Variants in SEL1L2 observed in about 807,000 individuals in gnomAD.
The protein encoded by SEL1L2 is protein sel-1 homolog 2.
In SEL1L2, 89 loss-of-function variants were observed where a neutral mutation model predicts 98.8. The ratio of observed to expected loss-of-function variants is 0.90; its 90% CI spans 0.76 to 1.07. The LOEUF (loss-of-function observed/expected upper bound fraction) is 1.07, where lower values mean the gene tolerates loss of function less well. Ranked by LOEUF, SEL1L2 falls within the 50% of genes least tolerant of loss-of-function variation. SEL1L2 has a pLI of 0.00. For synonymous variants in SEL1L2, 262 were observed against 278.5 expected, an observed-to-expected ratio of 0.94 and a Z score of 0.59; for missense variants, 788 against 812.0, an observed-to-expected ratio of 0.97 and a Z score of 0.36.
intron 1 of SEL1L2, among the ~76,000 whole-genome samples, chr20:13,958,359 GA>G (rs1454127494): frequency 1.3e-5 from 2 of 151,998 alleles, no homozygotes; most frequent in African/African-American, 4.8e-5. Context: ...TGCATTGTTG[GA>G]ATTTGCCGTT....
intron 2 of SEL1L2, among the ~76,000 whole-genome samples, chr20:13,937,316 T>C (rs925448858): frequency 6.6e-5 from 10 of 152,020 alleles, no homozygotes; most frequent in Non-Finnish European, 1.2e-4. Context: ...CCCGCCCAAG[T>C]GTTTATATCA....
chr20:13,893,933 G>A (rs1009789774), intron 5 of SEL1L2, among the ~76,000 whole-genome samples: 2 of 152,158 alleles, frequency 1.3e-5, no homozygotes, highest in East Asian at 3.9e-4. Context: ...AGCAACAAAT[G>A]AGTCAAAGAA....
Position 13,953,512 on chromosome 20 carries a change from G to C in SEL1L2, c.114+2564C>G, listed in dbSNP as rs143545769. Among the ~76,000 whole-genome samples, 12 of 152,270 alleles carry C rather than the reference G, an allele frequency of 7.9e-5. No individual in the cohort carries two copies. The East Asian group carries it at 1.5e-3, about 20-fold the overall frequency. On this transcript the variant is annotated intron_variant, in intron 2 of 19. Transcript: ENST00000284951. ...AGCAGTTAGATGTACTTCTGCAGAG[G>C]GGGGAATGAGACAGCCAGGTGTAAA...
chr20:13,860,986 CT>C (rs34779653), intron 17 of SEL1L2, among the ~76,000 whole-genome samples: 4 of 152,066 alleles, frequency 2.6e-5, no homozygotes, highest in African/African-American at 9.7e-5. Context: ...ATTCCTAGTT[CT>C]TTTTCCCTCG....
Position 13,939,040 on chromosome 20 carries a change from G to GGTT in SEL1L2, c.115-7270_115-7269insAAC. Among the ~76,000 whole-genome samples, 18 of 114,088 alleles carry GGTT rather than the reference G, an allele frequency of 1.6e-4. 2 individuals are homozygous for GGTT. Among genetic ancestry groups the GGTT allele is most frequent in the East Asian group, 1.3e-3 (5 of 3,868 alleles). The allele number at this position is 114,088 out of a possible 152,430, so 74.8% of individuals were successfully genotyped here. On this transcript the variant is annotated intron_variant, in intron 2 of 19. Coordinates refer to ENST00000284951, the MANE Select transcript of SEL1L2 (RefSeq NM_025229.2). ...TCTTTTTGGTTTGTTTGCTTGTTTT[G>GGTT]TTTTTTTTTTTTTTTTTTTCTGAGA...
chr20:13,912,402 A>G (rs964416231), intron 5 of SEL1L2, among the ~76,000 whole-genome samples: 4 of 150,616 alleles, frequency 2.7e-5, no homozygotes, highest in Non-Finnish European at 4.4e-5. Flanking sequence ...GGTTCAAGCA[A>G]TTCTCCTCCT....
At chr20:13,884,665 G>A (rs1015831783) in intron 10 of SEL1L2, among the ~76,000 whole-genome samples, 2 of 151,684 alleles carry the variant, frequency 1.3e-5, no homozygotes, top group African/African-American at 4.8e-5. Flanking sequence ...GTGCCACCAC[G>A]CCCGGCTAAT....
At chr20:13,897,138 G>A in intron 5 of SEL1L2, among the ~76,000 whole-genome samples, 1 of 152,192 alleles carries the variant, frequency 6.6e-6, no homozygotes, top group South Asian at 2.1e-4. Context: ...TGACAAGGAT[G>A]ACAAGGCTGC....
At chr20:13,972,771 C>T (rs1014388522) in intron 1 of SEL1L2, among the ~76,000 whole-genome samples, 8 of 152,126 alleles carry the variant, frequency 5.3e-5, no homozygotes, top group Non-Finnish European at 8.8e-5. Context: ...CAAGAGGGTG[C>T]TTTTTGTTTG....
At chr20:13,888,690 G>C (rs1228823677) in intron 5 of SEL1L2, among the ~76,000 whole-genome samples, 178 bp from the exon 6 acceptor site, 1 of 120,214 alleles carries the variant, frequency 8.3e-6, no homozygotes, top group African/African-American at 3.2e-5. Context: ...CCAGGCTGAA[G>C]TGCAGTGGCG....
chr20:13,975,870 T>C (rs999945618), intron 1 of SEL1L2, among the ~76,000 whole-genome samples: 3 of 152,308 alleles, frequency 2.0e-5, no homozygotes, highest in South Asian at 4.1e-4. Flanking sequence ...TTTTTGTTTA[T>C]AGAGACAGGG....
chr20:13,907,349 G>A (rs773679760), intron 5 of SEL1L2, among the ~76,000 whole-genome samples: 1 of 152,120 alleles, frequency 6.6e-6, no homozygotes, highest in Non-Finnish European at 1.5e-5. Flanking sequence ...AGGATCACTT[G>A]AGGCCAGGAG....
chr20:13,991,377 G>A (rs575747704), upstream of SEL1L2, among the ~76,000 whole-genome samples: 5 of 152,148 alleles, frequency 3.3e-5, no homozygotes, highest in East Asian at 1.9e-4. Context: ...TACCACAAAC[G>A]TAATGGGTTA....
Position 13,964,446 on chromosome 20 carries a change from C to CTTT in SEL1L2, c.59-8316_59-8315insAAA, listed in dbSNP as rs568049752. Among the ~76,000 whole-genome samples, 31 of 105,354 alleles carry CTTT rather than the reference C, an allele frequency of 2.9e-4. 2 individuals carry two copies. Among genetic ancestry groups the CTTT allele is most frequent in the Non-Finnish European group, 3.5e-4 (19 of 53,854 alleles). 69.1% of individuals were successfully genotyped at this position (105,354 alleles called of 152,430 possible). On this transcript the variant is annotated intron_variant, in intron 1 of 19. Coordinates refer to ENST00000284951, the MANE Select transcript of SEL1L2 (RefSeq NM_025229.2). ...TGTGCTCTGCTATCTGCTATCTCTTCATTTTTTTTTTTTTTTTTTTTCTGA... is the reference window on the plus strand; with the variant it reads ...TGTGCTCTGCTATCTGCTATCTCTTCTTTATTTTTTTTTTTTTTTTTTTTCTGA...
chr20:13,942,797 G>A (rs759926674), intron 2 of SEL1L2, among the ~76,000 whole-genome samples: 17 of 152,086 alleles, frequency 1.1e-4, no homozygotes, highest in Non-Finnish European at 2.2e-4. Flanking sequence ...TGAAAAAAAT[G>A]GGGGCTGGCA....
chr20:13,886,698 G>T (rs1007506163), intron 8 of SEL1L2, among the ~76,000 whole-genome samples: 1 of 152,008 alleles, frequency 6.6e-6, no homozygotes, highest in Non-Finnish European at 1.5e-5. Flanking sequence ...GACCTGCCTG[G>T]CCAACATGGT....
intron 3 of SEL1L2, among the ~76,000 whole-genome samples, chr20:13,922,842 C>A: frequency 6.6e-6 from 1 of 152,006 alleles, no homozygotes. Context: ...TTTAAACTTA[C>A]GTATTAAGAT....
At chr20:13,994,580 A>C (rs1448186803), upstream of SEL1L2, among the ~76,000 whole-genome samples, 1 of 152,150 alleles carries the variant, frequency 6.6e-6, no homozygotes, top group Non-Finnish European at 1.5e-5. Flanking sequence ...AACACAACAA[A>C]TTTGGGGGGA....
rs754764779 is a variant in SEL1L2, at chr20:13,865,445, C to T, written c.1474G>A (p.Asp492Asn). The T allele has an allele frequency of 3.1e-6, 5 of 1,614,008 alleles. No homozygotes were observed. The highest frequency in any genetic ancestry group is 4.2e-6 in the Non-Finnish European group (5 of 1,179,970). The change falls in exon 16 of 20, where the codon GAT (aspartate) becomes AAT (asparagine). Residue 492 changes from aspartate to asparagine, a missense_variant. Transcript: ENST00000284951. The part of the protein sequence containing the change: ...KFLTAYFAYK[D>N]GDIDSSLVQY... ...ACAAGAGAAGAATCTATATCACCAT[C>T]CTTATAGGCAAAGTAAGCTGTCAGG...
Sources: gnomAD v4.1 joint callset for allele counts (sites outside exome capture counted in the v4.1 genomes callset) on GRCh38, gnomAD v4.1.1 for gene constraint, MANE v1.5 for transcripts, NCBI Gene and HGNC (gene_info 2026-07-23, HGNC 2026-07-21) for gene names.